ANKRD30B: variants seen among roughly 807,000 people sequenced by gnomAD.
The protein encoded by ANKRD30B is ankyrin repeat domain-containing protein 30B.
A neutral mutation model predicts 202.2 loss-of-function variants in ANKRD30B; 144 were observed. The observed-to-expected ratio is 0.71, with a 90% confidence interval of 0.62 to 0.82. The LOEUF (loss-of-function observed/expected upper bound fraction) is 0.82, where lower values mean the gene tolerates loss of function less well. ANKRD30B is among the 40% of genes least tolerant of loss of function. The pLI, the probability that ANKRD30B is intolerant of heterozygous loss-of-function variation, is 0.00. For missense variants in ANKRD30B, 1,487 were observed against 1,669.1 expected, an observed-to-expected ratio of 0.89 and a Z score of 1.90; for synonymous variants, 508 against 561.3, an observed-to-expected ratio of 0.91 and a Z score of 1.34.
chr18:14,796,495 T>C (rs1408867543), intron 18 of ANKRD30B, 80 bp downstream of exon 18: 6 of 1,436,418 alleles, frequency 4.2e-6, no homozygotes, highest in Non-Finnish European at 5.6e-6. Flanking sequence ...TTATTCCCAA[T>C]GTTGTTTTCT....
intron 16 of ANKRD30B, among the ~76,000 whole-genome samples, chr18:14,792,390 G>A (rs1968578726): frequency 1.3e-5 from 2 of 152,008 alleles, no homozygotes; most frequent in Non-Finnish European, 2.9e-5. Flanking sequence ...AAGGGGCAAT[G>A]GAATAGAAAT....
At chr18:14,775,850 A>G (rs979622206) in intron 9 of ANKRD30B, among the ~76,000 whole-genome samples, 1 of 152,252 alleles carries the variant, frequency 6.6e-6, no homozygotes, top group Non-Finnish European at 1.5e-5. Flanking sequence ...CTTACTAGCT[A>G]TGGGAACTTG....
chr18:14,885,255 G>T, the ANKRD30B span, among the ~76,000 whole-genome samples: 1 of 152,056 alleles, frequency 6.6e-6, no homozygotes, highest in South Asian at 2.1e-4. Context: ...TATGTGTAAA[G>T]TTGGATTATG....
chr18:14,897,694 C>G, the ANKRD30B span, among the ~76,000 whole-genome samples: 1 of 152,040 alleles, frequency 6.6e-6, no homozygotes, highest in Admixed American at 6.6e-5. Flanking sequence ...CATTTGCAAG[C>G]CTTTGAAATT....
At chr18:14,856,353 C>T (rs1199374292), downstream of ANKRD30B, among the ~76,000 whole-genome samples, 9 of 120,422 alleles carry the variant, frequency 7.5e-5, no homozygotes, top group East Asian at 4.9e-4. Context: ...ATGGGGCAGC[C>T]GGGCAGAGGC....
the ANKRD30B span, among the ~76,000 whole-genome samples, chr18:14,860,671 C>A: frequency 4.0e-5 from 6 of 151,304 alleles, no homozygotes; most frequent in Non-Finnish European, 5.9e-5. Context: ...TGGGGCCTAG[C>A]GTTAGTCTTC....
chr18:14,796,753 G>C (rs1203968707), intron 18 of ANKRD30B, among the ~76,000 whole-genome samples: 3 of 147,380 alleles, frequency 2.0e-5, no homozygotes, highest in Non-Finnish European at 4.5e-5. Flanking sequence ...TCACCACCTT[G>C]TCGTCCCGTA....
At chr18:14,927,292 C>T in the ANKRD30B span, among the ~76,000 whole-genome samples, 11 of 152,096 alleles carry the variant, frequency 7.2e-5, no homozygotes, top group East Asian at 1.9e-4. Flanking sequence ...TTTTAAACTC[C>T]GAACTCAGGG....
chr18:14,820,173 T>C (rs1348970439), intron 30 of ANKRD30B, among the ~76,000 whole-genome samples: 1 of 152,182 alleles, frequency 6.6e-6, no homozygotes, highest in Non-Finnish European at 1.5e-5. Context: ...TGTCTGTTAT[T>C]GGTGTATAAG....
At chr18:14,786,987 T>C in intron 14 of ANKRD30B, 52 bp from the exon 15 acceptor site, 2 of 1,548,104 alleles carry the variant, frequency 1.3e-6, no homozygotes, top group Admixed American at 3.7e-5. Flanking sequence ...GTTTTTAAAA[T>C]TTATAGTAGA....
At chr18:14,909,349 C>T in the ANKRD30B span, among the ~76,000 whole-genome samples, 2 of 152,162 alleles carry the variant, frequency 1.3e-5, no homozygotes, top group Non-Finnish European at 2.9e-5. Flanking sequence ...TTGCAGCATA[C>T]CTGACACTGC....
the ANKRD30B span, among the ~76,000 whole-genome samples, chr18:14,868,487 G>A: frequency 2.0e-5 from 3 of 152,282 alleles, no homozygotes; most frequent in Non-Finnish European, 4.4e-5. Flanking sequence ...CCTGGGTTTT[G>A]GTGTTGTGGG....
chr18:14,889,344 T>A, the ANKRD30B span, among the ~76,000 whole-genome samples: 1 of 152,128 alleles, frequency 6.6e-6, no homozygotes, highest in East Asian at 1.9e-4. Context: ...TCTTCAATGG[T>A]AATGGAAGAT....
At chr18:14,769,295 C>T in intron 7 of ANKRD30B, 48 bp from the exon 8 acceptor site, 1 of 1,366,916 alleles carries the variant, frequency 7.3e-7, no homozygotes, top group South Asian at 1.3e-5. Context: ...TCTGTATTTT[C>T]TATTTATATT....
At chr18:14,886,394 T>C in the ANKRD30B span, among the ~76,000 whole-genome samples, 5 of 152,050 alleles carry the variant, frequency 3.3e-5, no homozygotes, top group African/African-American at 1.2e-4. Flanking sequence ...TTTTATTTTC[T>C]AAAATTTGCA....
the ANKRD30B span, among the ~76,000 whole-genome samples, chr18:14,917,069 A>C: frequency 6.6e-6 from 1 of 152,162 alleles, no homozygotes; most frequent in African/African-American, 2.4e-5. Flanking sequence ...GACCATGTGA[A>C]GCCAGCCACC....
At chr18:14,796,496 G>A (rs1005695749) in intron 18 of ANKRD30B, 81 bp downstream of exon 18, 195 of 1,435,356 alleles carry the variant, frequency 1.4e-4, no homozygotes, top group Non-Finnish European at 1.7e-4. Context: ...TATTCCCAAT[G>A]TTGTTTTCTT....
rs1479883713 is a variant in ANKRD30B, at chr18:14,799,046, G to A, written c.2030-55G>A. On this transcript the variant is annotated intron_variant, in intron 20 of 43. Transcript: ENST00000690538. Reference sequence around the variant, plus strand: ...TCATATTCACACTCTATGAACGTTTGGTAGGCTTTGTCAAGCTTGCATATA... The same window carrying A: ...TCATATTCACACTCTATGAACGTTTAGTAGGCTTTGTCAAGCTTGCATATA... 5.5e-6 allele frequency: 8 copies of A among 1,448,070 alleles called. No individual in the cohort carries two copies. In the African/African-American group the frequency reaches 8.4e-5, roughly 15 times the overall value. The allele number at this position is 1,448,070 out of a possible 1,614,324, so 89.7% of individuals were successfully genotyped here.
chr18:14,838,912 T>A (rs185866101), intron 36 of ANKRD30B, among the ~76,000 whole-genome samples: 2 of 152,240 alleles, frequency 1.3e-5, no homozygotes, highest in African/African-American at 4.8e-5. Context: ...ATGATTAAAG[T>A]GGCATATATG....
Sources: gnomAD v4.1 joint callset for allele counts (sites outside exome capture counted in the v4.1 genomes callset) on GRCh38, gnomAD v4.1.1 for gene constraint, MANE v1.5 for transcripts, NCBI Gene and HGNC (gene_info 2026-07-23, HGNC 2026-07-21) for gene names.